The following USP15 variants were observed in gnomAD, a reference collection of about 807,000 sequenced individuals.
USP15 encodes ubiquitin carboxyl-terminal hydrolase 15.
Under a neutral mutation model 127.1 loss-of-function variants are expected in USP15, and 18 were observed. The ratio of observed to expected loss-of-function variants is 0.14; its 90% CI spans 0.10 to 0.21. The LOEUF (loss-of-function observed/expected upper bound fraction) is 0.21. Ranked by LOEUF, USP15 falls within the 10% of genes least tolerant of loss-of-function variation. The pLI is 1.00. For synonymous variants in USP15, 364 were observed against 393.7 expected, an observed-to-expected ratio of 0.92 and a Z score of 0.89; for missense variants, 805 against 1,159.9, an observed-to-expected ratio of 0.69 and a Z score of 4.44.
At position 62,289,874 on chromosome 12, in the gene USP15, C is replaced by T. The variant is rs923324331; in HGVS notation, c.90-4305C>T. Among the ~76,000 whole-genome samples the T allele has an allele frequency of 3.9e-5, 6 of 152,008 alleles. No individual in the cohort carries two copies. The South Asian group carries it at 8.3e-4, about 21-fold the overall frequency. ...TTAATTTTGTTGTTGACCCAAAGAT[C>T]GTTCAGGAACATGTTGCTGAATTTC... On this transcript the variant is annotated intron_variant, in intron 1 of 21. Coordinates refer to ENST00000280377, the MANE Select transcript of USP15 (RefSeq NM_001252078.2).
At chr12:62,296,099 A>G (rs892877820) in intron 2 of USP15, among the ~76,000 whole-genome samples, 2 of 152,254 alleles carry the variant, frequency 1.3e-5, no homozygotes, top group African/African-American at 4.8e-5. Context: ...CAAGGCAGGC[A>G]GCCTCTAGGA....
At chr12:62,381,336 A>AAT (rs1271593543) in intron 8 of USP15, among the ~76,000 whole-genome samples, 154 bp from the exon 9 acceptor site, 2 of 152,064 alleles carry the variant, frequency 1.3e-5, no homozygotes, top group African/African-American at 4.8e-5. Flanking sequence ...ACATCATTTG[A>AAT]GTGTTTATTT....
intron 8 of USP15, among the ~76,000 whole-genome samples, chr12:62,368,835 G>A (rs1006000586): frequency 6.6e-6 from 1 of 152,260 alleles, no homozygotes; most frequent in African/African-American, 2.4e-5. Flanking sequence ...GTGTGAATTT[G>A]TTCCTGTCAT....
At chr12:62,285,240 C>T (rs1329638228) in intron 1 of USP15, among the ~76,000 whole-genome samples, 3 of 152,134 alleles carry the variant, frequency 2.0e-5, no homozygotes, top group Non-Finnish European at 4.4e-5. Flanking sequence ...AATAATTTAT[C>T]ATCCCTCTCC....
intron 4 of USP15, among the ~76,000 whole-genome samples, chr12:62,316,078 A>G (rs1004958197): frequency 1.3e-5 from 2 of 152,126 alleles, no homozygotes; most frequent in Non-Finnish European, 2.9e-5. Flanking sequence ...TGAAGTGAGG[A>G]GTTCGAGACC....
chr12:62,263,633 T>C (rs953482380), intron 1 of USP15, among the ~76,000 whole-genome samples: 1 of 152,204 alleles, frequency 6.6e-6, no homozygotes. Flanking sequence ...TATTGAGAAG[T>C]AAATCAAAAT....
intron 21 of USP15, among the ~76,000 whole-genome samples, chr12:62,402,773 C>T (rs1186847875): frequency 6.6e-6 from 1 of 151,920 alleles, no homozygotes; most frequent in Non-Finnish European, 1.5e-5. Context: ...GATTGTTAAA[C>T]AAGAGAATAA....
At chr12:62,386,994 AGAG>A (rs1415655332) in intron 11 of USP15, among the ~76,000 whole-genome samples, 1 of 152,180 alleles carries the variant, frequency 6.6e-6, no homozygotes, top group Non-Finnish European at 1.5e-5. Flanking sequence ...TGACAGGAAA[AGAG>A]GAGACAGCAG....
intron 11 of USP15, 24 bp from the exon 12 acceptor site, chr12:62,389,406 CA>C: frequency 6.3e-7 from 1 of 1,584,180 alleles, no homozygotes; most frequent in South Asian, 1.2e-5. Context: ...ATAATAAATT[CA>C]TTACAATTTT....
chr12:62,358,141 T>C (rs139264232), intron 8 of USP15, among the ~76,000 whole-genome samples: 2 of 152,106 alleles, frequency 1.3e-5, no homozygotes, highest in East Asian at 3.9e-4. Flanking sequence ...CATCAGGTGG[T>C]ATAGTATTAA....
chr12:62,338,214 A>G (rs1424652062), intron 6 of USP15, among the ~76,000 whole-genome samples: 3 of 152,086 alleles, frequency 2.0e-5, no homozygotes, highest in East Asian at 1.9e-4. Context: ...TGTGATTTGC[A>G]TTTGTCTAAT....
At chr12:62,402,094 C>T (rs2067709070) in intron 21 of USP15, among the ~76,000 whole-genome samples, 1 of 151,450 alleles carries the variant, frequency 6.6e-6, no homozygotes, top group African/African-American at 2.4e-5. Context: ...TCAAATTGCC[C>T]ACCTCCTCCA....
At chr12:62,361,890 T>C (rs1164154186) in intron 8 of USP15, among the ~76,000 whole-genome samples, 1 of 152,068 alleles carries the variant, frequency 6.6e-6, no homozygotes, top group Non-Finnish European at 1.5e-5. Context: ...TAAACCATTG[T>C]TCGATTAATA....
At chr12:62,353,257 A>AT (rs1219829252) in intron 7 of USP15, among the ~76,000 whole-genome samples, 2 of 152,082 alleles carry the variant, frequency 1.3e-5, no homozygotes, top group South Asian at 2.1e-4. Flanking sequence ...AGGGATTTAG[A>AT]TTTTTTTAAA....
At chr12:62,391,987 A>G in intron 17 of USP15, 101 bp downstream of exon 17, 1 of 1,188,076 alleles carries the variant, frequency 8.4e-7, no homozygotes, top group Non-Finnish European at 1.2e-6. Context: ...CTTCCACCAA[A>G]TATGTTTATT....
chr12:62,343,940 T>G (rs2065731150), intron 6 of USP15, among the ~76,000 whole-genome samples: 1 of 152,086 alleles, frequency 6.6e-6, no homozygotes, highest in South Asian at 2.1e-4. Flanking sequence ...GCCTCCATGA[T>G]TCAGTCATCT....
In USP15 at chr12:62,392,123, TTTAG is replaced by T. The variant is rs2067344287; in HGVS notation, c.2305-148_2305-145del. 4.4e-6 allele frequency: 3 copies of T among 681,348 alleles called. No individual in the cohort carries two copies. The Admixed American group carries it at 9.6e-5, about 22-fold the overall frequency. The allele number at this position is 681,348 out of a possible 1,614,324, so 42.2% of individuals were successfully genotyped here. A position where few individuals can be genotyped will look rare whatever the true frequency, so the allele number is the denominator to read the frequency against. On this transcript the variant is annotated intron_variant, in intron 17 of 21. Transcript: ENST00000280377. ...TCCATATAGAAGTGTACAGGAATTA[TTTAG>T]AAGTATATAAATCTCAACTGAAATA...
chr12:62,371,141 T>C (rs1055881183), intron 8 of USP15, among the ~76,000 whole-genome samples: 2 of 152,222 alleles, frequency 1.3e-5, no homozygotes, highest in African/African-American at 2.4e-5. Context: ...TTATTATGTG[T>C]TTAAAACCTG....
At chr12:62,349,178 T>A (rs960035284) in intron 6 of USP15, 43 bp from the exon 7 acceptor site, 237 of 1,166,518 alleles carry the variant, frequency 2.0e-4, no homozygotes, top group Non-Finnish European at 2.7e-4. Context: ...ATTTAAAAAT[T>A]CTTCATTTTT....
Sources: gnomAD v4.1 joint callset for allele counts (sites outside exome capture counted in the v4.1 genomes callset) on GRCh38, gnomAD v4.1.1 for gene constraint, MANE v1.5 for transcripts, NCBI Gene and HGNC (gene_info 2026-07-23, HGNC 2026-07-21) for gene names.